The following CEP89 variants were observed in gnomAD, a reference collection of about 807,000 sequenced individuals.
CEP89 encodes centrosomal protein 89, also known as centrosomal protein of 89 kDa.
A neutral mutation model predicts 97.6 loss-of-function variants in CEP89; 95 were observed. The observed-to-expected ratio is 0.97, with a 90% CI of 0.82 to 1.15. The LOEUF (loss-of-function observed/expected upper bound fraction) is 1.15. Ranked by LOEUF, CEP89 falls within the 50% of genes most tolerant of loss-of-function variation. The pLI is 0.00. For synonymous variants in CEP89, 354 were observed against 349.1 expected (o/e 1.01, Z -0.16); for missense variants, 869 against 947.7 (o/e 0.92, Z 1.09).
chr19:32,887,895 C>A, intron 16 of CEP89, 54 bp from the exon 17 acceptor site: 3 of 1,049,556 alleles, frequency 2.9e-6, no homozygotes, highest in South Asian at 2.6e-5. Flanking sequence ...ATTGAAATAA[C>A]AAACAATTAT....
intron 13 of CEP89, among the ~76,000 whole-genome samples, chr19:32,917,328 T>C (rs1488458577): frequency 1.3e-5 from 2 of 152,156 alleles, no homozygotes; most frequent in African/African-American, 4.8e-5. Context: ...TGGAGGAAAC[T>C]CCTGTGTGCA....
intron 16 of CEP89, among the ~76,000 whole-genome samples, chr19:32,888,819 T>C (rs1969453562): frequency 6.6e-6 from 1 of 152,046 alleles, no homozygotes; most frequent in Admixed American, 6.6e-5. Flanking sequence ...TATTTATTTA[T>C]TTATTTTTGA....
chr19:32,886,696 C>T (rs145735532), intron 17 of CEP89, among the ~76,000 whole-genome samples: 101 of 152,008 alleles, frequency 6.6e-4, no homozygotes, highest in South Asian at 1.5e-3. Context: ...CCAACTACTC[C>T]GAGGATCACT....
intron 1 of CEP89, among the ~76,000 whole-genome samples, chr19:32,967,677 G>A (rs570803199): frequency 4.6e-5 from 7 of 152,328 alleles, no homozygotes; most frequent in South Asian, 2.1e-4. Context: ...TCACACAGGC[G>A]TTTAGACTGG....
At chr19:32,934,252 G>A (rs1970535333) in intron 7 of CEP89, among the ~76,000 whole-genome samples, 1 of 152,184 alleles carries the variant, frequency 6.6e-6, no homozygotes, top group South Asian at 2.1e-4. Context: ...GGAAGATGAG[G>A]AGAGGCAGGC....
chr19:32,935,038 T>C (rs1252436445), intron 7 of CEP89, among the ~76,000 whole-genome samples: 2 of 152,188 alleles, frequency 1.3e-5, no homozygotes, highest in Non-Finnish European at 1.5e-5. Flanking sequence ...AGAGTGGGAA[T>C]AGCAAGGGGT....
chr19:32,896,366 G>A (rs898449509), intron 16 of CEP89, among the ~76,000 whole-genome samples: 1 of 151,952 alleles, frequency 6.6e-6, no homozygotes, highest in Non-Finnish European at 1.5e-5. Flanking sequence ...CATACGCTGG[G>A]GAAAGGGCAC....
Position 32,899,924 on chromosome 19 carries a change from T to C in CEP89, c.1808A>G (p.Gln603Arg), listed in dbSNP as rs1969728307. 2 of 1,613,986 alleles carry C rather than the reference T, an allele frequency of 1.2e-6. No individual in the cohort carries two copies. The highest frequency in any genetic ancestry group is 1.7e-6 in the Non-Finnish European group (2 of 1,179,866). ...CAGGCCAACAAGGTTTGCCAGGTAC[T>C]GATGAGCAGACATTTCGTTCCCCAT... Reference protein sequence around the residue: ...KAMGNEMSAHQYLANLVGLAE... With the variant: ...KAMGNEMSAHRYLANLVGLAE... The change falls in exon 16 of 19, where the codon CAG becomes CGG. Residue 603 changes from glutamine to arginine, a missense_variant. Physicochemically the swap from Gln to Arg is conservative, Grantham distance 43 (BLOSUM62 1). Transcript: ENST00000305768.
chr19:32,895,185 CA>C (rs1969613976), intron 16 of CEP89, among the ~76,000 whole-genome samples: 1 of 152,138 alleles, frequency 6.6e-6, no homozygotes, highest in Non-Finnish European at 1.5e-5. Context: ...AAGAAACCTA[CA>C]GGCCAATATC....
At position 32,923,438 on chromosome 19, in the gene CEP89, C is replaced by A; in HGVS notation, c.1268+1G>T. On this transcript the variant is annotated splice_donor_variant, in intron 12 of 18. Coordinates refer to ENST00000305768, the MANE Select transcript of CEP89 (RefSeq NM_032816.5). LOFTEE classifies it high-confidence loss of function. ...AAGAGCAGAAACACAATGCCACTTG[C>A]CATTCCTCACTGGTAACAGCACTAC... The A allele has an allele frequency of 6.6e-7, 1 of 1,520,740 alleles. No individual in the cohort carries two copies. Among genetic ancestry groups the A allele is most frequent in the Non-Finnish European group, 9.1e-7 (1 of 1,100,752 alleles). 94.2% of individuals were successfully genotyped at this position (1,520,740 alleles called of 1,614,324 possible). A position where few individuals can be genotyped will look rare whatever the true frequency, so the allele number is the denominator to read the frequency against.
intron 6 of CEP89, among the ~76,000 whole-genome samples, chr19:32,939,431 T>A (rs1318701763): frequency 1.3e-5 from 2 of 151,996 alleles, no homozygotes; most frequent in African/African-American, 2.4e-5. Flanking sequence ...AATCCCAGCA[T>A]TTTGGGAGGT....
intron 4 of CEP89, among the ~76,000 whole-genome samples, chr19:32,951,511 T>TTATATATA (rs72440449): frequency 7.6e-6 from 1 of 132,040 alleles, no homozygotes; most frequent in African/African-American, 3.0e-5. Flanking sequence ...CAACAAAAAA[T>TTATATATA]TATATATATA....
intron 9 of CEP89, among the ~76,000 whole-genome samples, chr19:32,927,283 G>C (rs973800872): frequency 6.6e-6 from 1 of 151,976 alleles, no homozygotes; most frequent in African/African-American, 2.4e-5. Flanking sequence ...GTAATTTGCA[G>C]ATATAATGCC....
intron 13 of CEP89, among the ~76,000 whole-genome samples, chr19:32,917,423 G>A (rs1423755073): frequency 6.6e-6 from 1 of 152,150 alleles, no homozygotes; most frequent in Non-Finnish European, 1.5e-5. Flanking sequence ...CAACAGCAGG[G>A]GCTGTTCATG....
At chr19:32,886,272 T>C (rs1032514293) in intron 17 of CEP89, among the ~76,000 whole-genome samples, 1 of 152,232 alleles carries the variant, frequency 6.6e-6, no homozygotes, top group Non-Finnish European at 1.5e-5. Flanking sequence ...ACTGCTTTTA[T>C]ATGAAGGCCT....
intron 5 of CEP89, among the ~76,000 whole-genome samples, chr19:32,946,017 G>C (rs1015571974): frequency 6.6e-6 from 1 of 152,172 alleles, no homozygotes; most frequent in African/African-American, 2.4e-5. Flanking sequence ...TCAGCCCTAG[G>C]AGCAGTGGCT....
At chr19:32,896,373 G>A (rs61101045) in intron 16 of CEP89, among the ~76,000 whole-genome samples, 12,409 of 152,020 alleles carry the variant, frequency 0.082, 1,564 homozygotes, top group African/African-American at 0.27. Flanking sequence ...TGGGGAAAGG[G>A]CACCCTCTTC....
intron 2 of CEP89, chr19:32,966,151 G>A (rs1971278473): frequency 2.5e-6 from 1 of 392,774 alleles, no homozygotes; most frequent in Non-Finnish European, 4.5e-6. Context: ...AGAAGTTCAT[G>A]CACCTGAAAA....
chr19:32,962,446 G>A (rs1444881309), intron 2 of CEP89, among the ~76,000 whole-genome samples: 2 of 152,106 alleles, frequency 1.3e-5, no homozygotes, highest in African/African-American at 2.4e-5. Context: ...ACTAATACAC[G>A]CACCATCTAC....
Sources: allele counts gnomAD v4.1 joint callset (sites outside exome capture counted in the v4.1 genomes callset), GRCh38; gene constraint gnomAD v4.1.1; transcripts MANE v1.5; gene names NCBI Gene and HGNC (gene_info 2026-07-23, HGNC 2026-07-21).